The following PPARGC1A variants were observed in gnomAD, a reference collection of about 807,000 sequenced individuals.
PPARGC1A encodes peroxisome proliferator-activated receptor gamma coactivator 1-alpha.
Under a neutral mutation model 88.7 loss-of-function variants are expected in PPARGC1A, and 25 were observed. The observed-to-expected ratio is 0.28, with a 90% CI of 0.21 to 0.39. The LOEUF (loss-of-function observed/expected upper bound fraction) is 0.39, where lower values mean the gene tolerates loss of function less well. Among genes scored for constraint, PPARGC1A ranks in the 10% least tolerant of loss-of-function variants. The pLI, the probability that PPARGC1A is intolerant of heterozygous loss-of-function variation, is 1.00. For missense variants in PPARGC1A, 880 were observed against 968.7 expected, an observed-to-expected ratio of 0.91 and a Z score of 1.22; for synonymous variants, 363 against 355.6, an observed-to-expected ratio of 1.02 and a Z score of -0.24.
At chr4:24,388,413 G>T in the PPARGC1A span, among the ~76,000 whole-genome samples, 1 of 152,148 alleles carries the variant, frequency 6.6e-6, no homozygotes, top group African/African-American at 2.4e-5. Context: ...ACAATGTGGC[G>T]GTTCCTCAAG....
the PPARGC1A span, among the ~76,000 whole-genome samples, chr4:23,957,588 A>G: frequency 6.6e-6 from 1 of 152,078 alleles, no homozygotes; most frequent in Non-Finnish European, 1.5e-5. Flanking sequence ...ACTGACTCCA[A>G]TGTTTATTGA....
the PPARGC1A span, among the ~76,000 whole-genome samples, chr4:24,105,293 A>C: frequency 6.6e-6 from 1 of 152,236 alleles, no homozygotes; most frequent in African/African-American, 2.4e-5. Flanking sequence ...AAGCAAATAC[A>C]CAACCTTGAA....
At chr4:24,418,934 T>C in the PPARGC1A span, among the ~76,000 whole-genome samples, 2 of 152,228 alleles carry the variant, frequency 1.3e-5, no homozygotes, top group Admixed American at 6.5e-5. Context: ...CAGAGTAACT[T>C]GTGTAGCTGT....
At chr4:23,980,548 T>A in the PPARGC1A span, among the ~76,000 whole-genome samples, 1 of 152,146 alleles carries the variant, frequency 6.6e-6, no homozygotes. Context: ...TGTGCAAGTT[T>A]AGACAGAAAA....
the PPARGC1A span, among the ~76,000 whole-genome samples, chr4:24,123,814 G>A: frequency 2.6e-5 from 4 of 151,270 alleles, no homozygotes; most frequent in Non-Finnish European, 4.4e-5. Flanking sequence ...TTTTCAGATG[G>A]AGTGTGCTCT....
rs753506024 is a variant in PPARGC1A at position 23,814,202 on chromosome 4, T to C, written c.1281A>G (p.Thr427=). The C allele has an allele frequency of 1.2e-6, 2 of 1,614,158 alleles. No homozygotes were observed. The highest frequency in any genetic ancestry group is 4.5e-5 in the East Asian group (2 of 44,870). The part of the protein sequence containing the change: ...SDWQGQICSS[T]DSDQCYLRET... ...CTCTCAGGTAGCACTGGTCTGAATCTGTGGAAGAACAAATCTGCCCCTGCC... is the reference window on the plus strand; with the variant it reads ...CTCTCAGGTAGCACTGGTCTGAATCCGTGGAAGAACAAATCTGCCCCTGCC... Residue 427 remains threonine (T), a synonymous_variant, in exon 8 of 13, where the codon ACA becomes ACG. Transcript: ENST00000264867.
At chr4:24,053,435 A>G in the PPARGC1A span, among the ~76,000 whole-genome samples, 1 of 152,158 alleles carries the variant, frequency 6.6e-6, no homozygotes, top group African/African-American at 2.4e-5. Flanking sequence ...AAGGCTAAGC[A>G]CCAGCTTTGA....
intron 2 of PPARGC1A, among the ~76,000 whole-genome samples, chr4:23,845,882 AGACT>A (rs1345317094): frequency 6.6e-6 from 1 of 152,206 alleles, no homozygotes; most frequent in Non-Finnish European, 1.5e-5. Flanking sequence ...TTTTAATGCC[AGACT>A]GAGTGAACCC....
At chr4:24,334,783 A>G in the PPARGC1A span, among the ~76,000 whole-genome samples, 1 of 152,204 alleles carries the variant, frequency 6.6e-6, no homozygotes, top group Admixed American at 6.5e-5. Context: ...CTGGATAGAC[A>G]GTGTTCCCTA....
the PPARGC1A span, among the ~76,000 whole-genome samples, chr4:24,270,318 TCTCTC>T: frequency 1.6e-3 from 37 of 23,676 alleles, 1 homozygote; most frequent in African/African-American, 6.1e-3. Flanking sequence ...TCTCTCTCTC[TCTCTC>T]TCTCTCTCTC....
chr4:24,022,193 C>T, the PPARGC1A span, among the ~76,000 whole-genome samples: 1 of 152,124 alleles, frequency 6.6e-6, no homozygotes, highest in East Asian at 1.9e-4. Context: ...GCTCTTTCTG[C>T]CTGGCTCTCT....
At chr4:24,049,388 G>A in the PPARGC1A span, among the ~76,000 whole-genome samples, 363 of 148,376 alleles carry the variant, frequency 2.4e-3, 2 homozygotes, top group African/African-American at 8.8e-3. Context: ...AAGGACCAAG[G>A]ACAGATGATT....
At chr4:23,832,502 T>C (rs981388894) in intron 2 of PPARGC1A, among the ~76,000 whole-genome samples, 1 of 152,200 alleles carries the variant, frequency 6.6e-6, no homozygotes, top group African/African-American at 2.4e-5. Flanking sequence ...CTTCTTTCTG[T>C]GATCAGTCAC....
the PPARGC1A span, among the ~76,000 whole-genome samples, chr4:24,050,386 C>T: frequency 3.3e-5 from 5 of 151,826 alleles, no homozygotes; most frequent in Non-Finnish European, 5.9e-5. Flanking sequence ...TTAGTAGAGA[C>T]GGGGTTTCAT....
At chr4:24,141,556 C>T in the PPARGC1A span, among the ~76,000 whole-genome samples, 1 of 152,206 alleles carries the variant, frequency 6.6e-6, no homozygotes. Context: ...AATTGCTTAT[C>T]AAGCAAAAGC....
chr4:24,291,383 T>C, the PPARGC1A span, among the ~76,000 whole-genome samples: 2 of 152,200 alleles, frequency 1.3e-5, no homozygotes, highest in South Asian at 4.1e-4. Flanking sequence ...ACATGCAAGA[T>C]GTAAATGTTA....
chr4:24,131,992 A>G, the PPARGC1A span, among the ~76,000 whole-genome samples: 101 of 152,322 alleles, frequency 6.6e-4, no homozygotes, highest in African/African-American at 2.1e-3. Context: ...ATGTTAAAAC[A>G]TGGCCTAGTG....
chr4:24,013,703 G>A, the PPARGC1A span, among the ~76,000 whole-genome samples: 10 of 152,210 alleles, frequency 6.6e-5, no homozygotes, highest in African/African-American at 2.2e-4. Flanking sequence ...ATCCTGCTTC[G>A]GTAAGTTCAT....
At chr4:24,152,435 A>G in the PPARGC1A span, among the ~76,000 whole-genome samples, 2 of 152,154 alleles carry the variant, frequency 1.3e-5, no homozygotes, top group Non-Finnish European at 2.9e-5. Flanking sequence ...CTTTTTACAC[A>G]ATTCAAAGTA....
Sources: allele counts gnomAD v4.1 joint callset (sites outside exome capture counted in the v4.1 genomes callset), GRCh38; gene constraint gnomAD v4.1.1; transcripts MANE v1.5; gene names NCBI Gene and HGNC (gene_info 2026-07-23, HGNC 2026-07-21).